CLU: variants seen among roughly 807,000 people sequenced by gnomAD.
CLU encodes the protein aging-associated protein 4.
In CLU, 25 loss-of-function variants were observed where a neutral mutation model predicts 46.4. The observed-to-expected ratio is 0.54, with a 90% CI of 0.39 to 0.75. The LOEUF is 0.75. Among genes scored for constraint, CLU ranks in the 30% least tolerant of loss-of-function variants. The probability of loss-of-function intolerance (pLI) is 0.00; values close to 1 mark genes in which losing one functional copy is unlikely to be tolerated. For missense variants in CLU, 504 were observed against 592.1 expected (o/e 0.85, Z 1.54); for synonymous variants, 235 against 235.1 (o/e 1.00, Z 0.00).
chr8:27,600,716 C>A (rs1800704639), intron 6 of CLU, among the ~76,000 whole-genome samples: 1 of 152,156 alleles, frequency 6.6e-6, no homozygotes, highest in Admixed American at 6.5e-5. Flanking sequence ...TAGTCCCTCC[C>A]GGGAATCATT....
At chr8:27,605,782 T>C (rs960558412) in intron 4 of CLU, among the ~76,000 whole-genome samples, 5 of 151,970 alleles carry the variant, frequency 3.3e-5, no homozygotes, top group African/African-American at 1.2e-4. Flanking sequence ...ACATCTATAA[T>C]CCCAACAATT....
At position 27,612,833 on chromosome 8, in the gene CLU, A is replaced by G. The variant is rs530052584; in HGVS notation, c.-30+1822T>C. ...CCAAGGCCCTCGAGTCCCCAGCACTACCACACAGCCTCATTCTCCCTAAGA... is the reference window on the plus strand; with the variant it reads ...CCAAGGCCCTCGAGTCCCCAGCACTGCCACACAGCCTCATTCTCCCTAAGA... On this transcript the variant is annotated intron_variant, in intron 1 of 8. Transcript: ENST00000316403. Among the ~76,000 whole-genome samples, 3 of 151,846 alleles carry G rather than the reference A, an allele frequency of 2.0e-5. No homozygotes were observed. The South Asian group carries it at 6.3e-4, about 32-fold the overall frequency.
chr8:27,608,337 C>T (rs9331901), intron 3 of CLU, among the ~76,000 whole-genome samples: 5,650 of 152,318 alleles, frequency 0.037, 366 homozygotes, highest in African/African-American at 0.13. Context: ...CAGGTAGCTA[C>T]ATCTTAGCAT....
In CLU at chr8:27,600,004, A is replaced by T; in HGVS notation, c.940T>A (p.Ser314Thr). ...KCREILSVDCSTNNPSQAKLR... is the reference protein window; with the variant it reads ...KCREILSVDCTTNNPSQAKLR... ...TTAGCCTGGGAGGGGTTGTTGGTGG[A>T]ACAGTCTGCCCAGAGATGGAAGAAA... Residue 314 changes from serine to threonine, a missense_variant, in exon 7 of 9, where the codon TCC (serine) becomes ACC (threonine). Around this residue, in one of 3 missense-constraint regions of CLU, gnomAD observed 428 missense variants for 484.0 expected, o/e 0.88. Transcript: ENST00000316403. 6.2e-7 allele frequency: 1 copy of T among 1,613,770 alleles called. No individual in the cohort carries two copies. Among genetic ancestry groups the T allele is most frequent in the Non-Finnish European group, 8.5e-7 (1 of 1,179,698 alleles).
At chr8:27,613,639 A>G (rs1355536219) in intron 1 of CLU, 1 of 152,222 alleles carries the variant, frequency 6.6e-6, no homozygotes, top group African/African-American at 2.4e-5. Context: ...TCTGTCTTCC[A>G]TGCAGTTTAT....
chr8:27,605,136 T>A lies in CLU; in HGVS notation c.617A>T (p.Tyr206Phe), dbSNP rs780087248. ...FTREPQDTYHYLPFSLPHRRP... is the reference protein window; with the variant it reads ...FTREPQDTYHFLPFSLPHRRP... ...CCGGTGGGGCAGGCTGAAGGGCAGG[T>A]AGTGGTAGGTATCCTGGGGCTCCCG... The change falls in exon 5 of 9, where the codon TAC becomes TTC. Residue 206 changes from tyrosine to phenylalanine, a missense_variant. This residue lies in a region of CLU where 428 missense variants were observed against 484.0 expected (regional missense o/e 0.88). Transcript: ENST00000316403. 1 of 1,613,864 alleles carries A rather than the reference T, an allele frequency of 6.2e-7. No homozygotes were observed.
intron 2 of CLU, among the ~76,000 whole-genome samples, chr8:27,610,140 T>C (rs1356163062): frequency 6.6e-6 from 1 of 152,082 alleles, no homozygotes; most frequent in African/African-American, 2.4e-5. Context: ...GGGAGAGGGA[T>C]AAGAGCTCCG....
At chr8:27,607,529 A>T (rs1270056048) in intron 3 of CLU, among the ~76,000 whole-genome samples, 1 of 152,062 alleles carries the variant, frequency 6.6e-6, no homozygotes, top group Non-Finnish European at 1.5e-5. Flanking sequence ...GGTAGATGGT[A>T]CATCATTACA....
At chr8:27,607,204 G>A (rs1800837521) in intron 3 of CLU, among the ~76,000 whole-genome samples, 1 of 152,136 alleles carries the variant, frequency 6.6e-6, no homozygotes. Flanking sequence ...TGGTGTGGTG[G>A]TGCACACCTG....
intron 6 of CLU, 37 bp downstream of exon 6, chr8:27,604,254 T>A: frequency 6.6e-7 from 1 of 1,521,988 alleles, no homozygotes; most frequent in South Asian, 1.1e-5. Context: ...ACACAAGGGA[T>A]CAGGGGGGAC....
chr8:27,607,220 C>G (rs2128909521), intron 3 of CLU, among the ~76,000 whole-genome samples: 1 of 152,172 alleles, frequency 6.6e-6, no homozygotes, highest in South Asian at 2.1e-4. Flanking sequence ...ACCTGCACTC[C>G]CAGCTACTTG....
At chr8:27,598,938 G>A in intron 7 of CLU, 1 of 338,584 alleles carries the variant, frequency 3.0e-6, no homozygotes, top group Non-Finnish European at 5.4e-6. Context: ...GGTCAGAGTA[G>A]GGTAGAAAAG....
intron 3 of CLU, among the ~76,000 whole-genome samples, chr8:27,607,349 CA>C (rs1800840230): frequency 6.6e-6 from 1 of 150,534 alleles, no homozygotes; most frequent in Non-Finnish European, 1.5e-5. Context: ...AAAAACAAAA[CA>C]AAACAAAACA....
Position 27,599,854 on chromosome 8 carries a change from C to G in CLU, c.1090G>C (p.Glu364Gln), listed in dbSNP as rs566482024. The stretch of plus-strand genomic sequence containing the variant: ...AGCCGGGACACCCAGTTAAACTGCT[C>G]GTTCAGCTGCTCCAGCAAGGAGGAG... ...NTSSLLEQLN[E>Q]QFNWVSRLAN... The change falls in exon 7 of 9, where the codon GAG becomes CAG. Residue 364 changes from glutamate to glutamine, a missense_variant. Coordinates refer to ENST00000316403, the MANE Select transcript of CLU (RefSeq NM_001831.4). This position sits in a 1 kb window ranked among gnomAD's most constrained non-coding sequence, Gnocchi z 4.0. The G allele has an allele frequency of 6.2e-7, 1 of 1,614,136 alleles. No homozygotes were observed. Among genetic ancestry groups the G allele is most frequent in the South Asian group, 1.1e-5 (1 of 91,070 alleles).
intron 6 of CLU, among the ~76,000 whole-genome samples, chr8:27,600,472 C>T (rs553778981): frequency 2.0e-5 from 3 of 152,206 alleles, no homozygotes; most frequent in Non-Finnish European, 4.4e-5. Flanking sequence ...TGGGCTCAAC[C>T]CATCTGCCCA....
chr8:27,609,492 A>G (rs1370646093), intron 2 of CLU, among the ~76,000 whole-genome samples: 4 of 152,196 alleles, frequency 2.6e-5, no homozygotes, highest in Admixed American at 2.6e-4. Context: ...TTAAACAGAT[A>G]TGTGTATTTC....
intron 1 of CLU, among the ~76,000 whole-genome samples, chr8:27,612,645 C>T (rs1221293343): frequency 6.6e-6 from 1 of 152,016 alleles, no homozygotes; most frequent in East Asian, 1.9e-4. Flanking sequence ...CTTTTCCAGC[C>T]AGTCTGCAGG....
At position 27,597,294 on chromosome 8, in the gene CLU, G is replaced by C. The variant is rs1387619618; in HGVS notation, c.*947C>G. On this transcript the variant is annotated 3_prime_UTR_variant, in exon 9 of 9. Coordinates refer to ENST00000316403, the MANE Select transcript of CLU (RefSeq NM_001831.4). ...AATGAACGAAAAGCCTGAGCTTTAA[G>C]ACTGAGATTGGTACCACGGGTAGTC... The C allele has an allele frequency of 4.4e-6, 2 of 454,440 alleles. No individual in the cohort carries two copies. The highest frequency in any genetic ancestry group is 4.0e-5 in the African/African-American group (2 of 50,020). The allele number at this position is 454,440 out of a possible 1,614,324, so 28.2% of individuals were successfully genotyped here.
chr8:27,599,723 G>A lies in CLU; in HGVS notation c.1164+57C>T. On this transcript the variant is annotated intron_variant, in intron 7 of 8. Coordinates refer to ENST00000316403, the MANE Select transcript of CLU (RefSeq NM_001831.4). This position sits in a 1 kb window ranked among gnomAD's most constrained non-coding sequence, Gnocchi z 4.0. The stretch of plus-strand genomic sequence containing the variant: ...CTCAGTCAAAAGCACACATGCCCCT[G>A]CTCCCGATCACAGCTCGGGCTCCCG... 2.3e-6 allele frequency: 3 copies of A among 1,310,322 alleles called. No homozygotes were observed. Among genetic ancestry groups the A allele is most frequent in the Non-Finnish European group, 3.2e-6 (3 of 923,416 alleles). The allele number at this position is 1,310,322 out of a possible 1,614,324, so 81.2% of individuals were successfully genotyped here.
Sources: gnomAD v4.1 joint callset for allele counts (sites outside exome capture counted in the v4.1 genomes callset) on GRCh38, gnomAD v4.1.1 for gene constraint, gnomAD v4.1.1 regional missense constraint, Gnocchi (gnomAD v3.1) non-coding constraint, MANE v1.5 for transcripts, NCBI Gene and HGNC (gene_info 2026-07-23, HGNC 2026-07-21) for gene names.